Variants in AZIN2 observed in about 807,000 individuals in gnomAD.
The protein encoded by AZIN2 is antizyme inhibitor 2.
Under a neutral mutation model 47.8 loss-of-function variants are expected in AZIN2, and 28 were observed. The ratio of observed to expected loss-of-function variants is 0.59; its 90% CI spans 0.43 to 0.80. The LOEUF is 0.80. Ranked by LOEUF, AZIN2 falls within the 30% of genes least tolerant of loss-of-function variation. The pLI, the probability that AZIN2 is intolerant of heterozygous loss-of-function variation, is 0.00. For missense variants in AZIN2, 535 were observed against 582.5 expected (o/e 0.92, Z 0.84); for synonymous variants, 221 against 239.4 (o/e 0.92, Z 0.71).
the AZIN2 span, among the ~76,000 whole-genome samples, chr1:33,153,342 A>C: frequency 2.5e-4 from 38 of 152,352 alleles, 1 homozygote; most frequent in African/African-American, 8.4e-4. Context: ...GTTGGAGCAC[A>C]GTCTGTTCCT....
Position 33,096,704 on chromosome 1 carries a change from C to A in AZIN2, c.754-3C>A, listed in dbSNP as rs1394005296. 1 of 1,614,192 alleles carries A rather than the reference C, an allele frequency of 6.2e-7. No individual in the cohort carries two copies. The highest frequency in any genetic ancestry group is 1.1e-5 in the South Asian group (1 of 91,084). ...AATTGTCTCCCCATTCTCCTCCTAC[C>A]AGATTGCTTCCGTGATCAACTCAGC... On this transcript the variant is annotated splice_region_variant and splice_polypyrimidine_tract_variant and intron_variant, in intron 8 of 11. Transcript: ENST00000294517.
In AZIN2 at chr1:33,113,822, C is replaced by T. The variant is rs553038638; in HGVS notation, c.1030-4080C>T. On this transcript the variant is annotated intron_variant, in intron 10 of 11. Coordinates refer to ENST00000294517, the MANE Select transcript of AZIN2 (RefSeq NM_052998.4). This position sits in a 1 kb window ranked among gnomAD's most constrained non-coding sequence, Gnocchi z 4.1. ...TCTTCATTGTGGGGTTTTGTTTTGT[C>T]TGTAGTTTTAATAAAGAATAGATGC... 1.3e-5 allele frequency among the ~76,000 whole-genome samples: 2 copies of T among 152,286 alleles called. No homozygotes were observed. Among genetic ancestry groups the T allele is most frequent in the East Asian group, 3.9e-4 (2 of 5,180 alleles).
intron 10 of AZIN2, among the ~76,000 whole-genome samples, chr1:33,112,621 G>A (rs1040818189): frequency 1.3e-5 from 2 of 152,126 alleles, no homozygotes; most frequent in Non-Finnish European, 2.9e-5. Context: ...GGGCACATAG[G>A]GAGTTTCAAA....
downstream of AZIN2, among the ~76,000 whole-genome samples, chr1:33,125,775 C>T (rs1477205145): frequency 6.6e-6 from 1 of 152,118 alleles, no homozygotes; most frequent in Non-Finnish European, 1.5e-5. Context: ...ACATGCCAGA[C>T]ACACTTACAA....
the AZIN2 span, among the ~76,000 whole-genome samples, chr1:33,133,553 T>C: frequency 6.6e-6 from 1 of 152,066 alleles, no homozygotes; most frequent in Admixed American, 6.5e-5. Flanking sequence ...GCAGAGTGGA[T>C]GAGGAGAGCA....
At chr1:33,141,714 C>G in the AZIN2 span, among the ~76,000 whole-genome samples, 1 of 152,078 alleles carries the variant, frequency 6.6e-6, no homozygotes, top group Non-Finnish European at 1.5e-5. Context: ...TATGATAGAA[C>G]TGTTGAAATT....
chr1:33,136,566 C>A, the AZIN2 span, among the ~76,000 whole-genome samples: 3 of 150,984 alleles, frequency 2.0e-5, no homozygotes, highest in African/African-American at 7.3e-5. Flanking sequence ...GACAGGGTTT[C>A]GCCATGTTGG....
At chr1:33,133,011 T>C in the AZIN2 span, among the ~76,000 whole-genome samples, 4,035 of 152,258 alleles carry the variant, frequency 0.027, 166 homozygotes, top group African/African-American at 0.081. Flanking sequence ...AAACCAGGAG[T>C]GCACTCCTTG....
chr1:33,098,320 A>G, intron 10 of AZIN2, 141 bp downstream of exon 10: 2 of 614,556 alleles, frequency 3.3e-6, no homozygotes, highest in Non-Finnish European at 2.8e-6. Context: ...GTTATCACCC[A>G]TAATCCCACC....
At chr1:33,151,356 C>T in the AZIN2 span, among the ~76,000 whole-genome samples, 3,456 of 152,180 alleles carry the variant, frequency 0.023, 51 homozygotes, top group Non-Finnish European at 0.035. Flanking sequence ...GACTTCTATA[C>T]CCCAAGGGGT....
intron 5 of AZIN2, among the ~76,000 whole-genome samples, chr1:33,084,407 A>G (rs1641643758): frequency 6.6e-6 from 1 of 151,974 alleles, no homozygotes; most frequent in Non-Finnish European, 1.5e-5. Context: ...AGAGCTATAC[A>G]TGATGTTCTT....
intron 5 of AZIN2, 21 bp from the exon 6 acceptor site, chr1:33,092,029 A>G: frequency 6.2e-7 from 1 of 1,607,964 alleles, no homozygotes; most frequent in Non-Finnish European, 8.5e-7. Flanking sequence ...CCTCCTTACA[A>G]CCACCTTTGG....
chr1:33,101,842 C>A (rs751099706), intron 10 of AZIN2: 18 of 779,390 alleles, frequency 2.3e-5, no homozygotes, highest in Non-Finnish European at 3.6e-5. Context: ...GTCTAAGAAC[C>A]ACTCACCCTG....
chr1:33,135,452 CT>C, the AZIN2 span, among the ~76,000 whole-genome samples: 4 of 152,226 alleles, frequency 2.6e-5, no homozygotes, highest in African/African-American at 9.6e-5. Flanking sequence ...GTGGCAGTCC[CT>C]CAATAAATTC....
rs917281795 is a variant in AZIN2, at chr1:33,121,022, G to A, written c.*840G>A. 1.3e-5 allele frequency among the ~76,000 whole-genome samples: 2 copies of A among 152,156 alleles called. No individual in the cohort carries two copies. Among genetic ancestry groups the A allele is most frequent in the Non-Finnish European group, 2.9e-5 (2 of 68,020 alleles). On this transcript the variant is annotated 3_prime_UTR_variant, in exon 12 of 12. Transcript: ENST00000294517. ...GGGCAGTGCCTGTTAGAACAGGGCT[G>A]GCCACGGAGTATTGCTGTGTCCAGT...
At chr1:33,090,929 A>C (rs1642479407) in intron 5 of AZIN2, among the ~76,000 whole-genome samples, 1 of 152,180 alleles carries the variant, frequency 6.6e-6, no homozygotes, top group African/African-American at 2.4e-5. Context: ...GATTCCACAT[A>C]TAAGTGAGAT....
At chr1:33,129,290 A>G in the AZIN2 span, among the ~76,000 whole-genome samples, 168 of 152,300 alleles carry the variant, frequency 1.1e-3, no homozygotes, top group African/African-American at 3.6e-3. The surrounding 1 kb of genome is among the most constrained non-coding windows in gnomAD (Gnocchi z 4.1). Flanking sequence ...TATCCCTCCT[A>G]ACTCTGATTT....
chr1:33,097,955 T>C, intron 9 of AZIN2, 112 bp from the exon 10 acceptor site: 1 of 722,806 alleles, frequency 1.4e-6, no homozygotes, highest in Admixed American at 2.3e-5. Flanking sequence ...CGCCTCATGG[T>C]TGAGGAATGG....
chr1:33,165,595 G>A, the AZIN2 span: 2 of 1,572,942 alleles, frequency 1.3e-6, no homozygotes, highest in Admixed American at 1.8e-5. This position sits in a 1 kb window ranked among gnomAD's most constrained non-coding sequence, Gnocchi z 4.0. Context: ...CGGGATGGGG[G>A]CAGGGGCCAT....
Sources: gnomAD v4.1 joint callset for allele counts (sites outside exome capture counted in the v4.1 genomes callset) on GRCh38, gnomAD v4.1.1 for gene constraint, Gnocchi (gnomAD v3.1) non-coding constraint, MANE v1.5 for transcripts, NCBI Gene and HGNC (gene_info 2026-07-23, HGNC 2026-07-21) for gene names.